Variants in ALPK3 observed in about 807,000 individuals in gnomAD.
ALPK3 encodes the protein alpha-protein kinase 3.
A neutral mutation model predicts 140.0 loss-of-function variants in ALPK3; 102 were observed. That is an observed-to-expected ratio of 0.73 (90% CI 0.62 to 0.86). The LOEUF (loss-of-function observed/expected upper bound fraction) is 0.86, where lower values mean the gene tolerates loss of function less well. ALPK3 is among the 40% of genes least tolerant of loss of function. The probability of loss-of-function intolerance (pLI) is 0.00; values close to 1 mark genes in which losing one functional copy is unlikely to be tolerated. For missense variants in ALPK3, 2,254 were observed against 2,208.2 expected, an observed-to-expected ratio of 1.02 and a Z score of -0.42; for synonymous variants, 938 against 898.5, an observed-to-expected ratio of 1.04 and a Z score of -0.79.
Position 84,856,575 on chromosome 15 carries a change from G to T in ALPK3, c.1837G>T (p.Asp613Tyr). ...TGGAAGCAAGAAGAATGTGCAGGCA[G>T]ATGGGAAGATACAAGTGGATGGAAG... is the stretch of plus-strand genomic sequence containing the variant. ...RTGSKKNVQA[D>Y]GKIQVDGRTR... The change falls in exon 6 of 14, where the codon GAT (aspartate) becomes TAT (tyrosine). Residue 613 changes from aspartate to tyrosine, a missense_variant. Transcript: ENST00000258888. 1.2e-6 allele frequency: 2 copies of T among 1,614,184 alleles called. No individual in the cohort carries two copies. The highest frequency in any genetic ancestry group is 1.7e-6 in the Non-Finnish European group (2 of 1,180,036).
Position 84,857,445 on chromosome 15 carries a change from C to A in ALPK3, c.2707C>A (p.Gln903Lys), listed in dbSNP as rs192527723. 59 of 1,613,834 alleles carry A rather than the reference C, an allele frequency of 3.7e-5. No individual in the cohort carries two copies. Among genetic ancestry groups the A allele is most frequent in the Non-Finnish European group, 2.5e-6 (3 of 1,179,942 alleles). ...AGCCACCTTCCTGCCCTCTGAGGATCAGGTCCTGATGAGTTCTGCCCCAAC... is the reference window on the plus strand; with the variant it reads ...AGCCACCTTCCTGCCCTCTGAGGATAAGGTCCTGATGAGTTCTGCCCCAAC... ...STATFLPSED[Q>K]VLMSSAPTLH... The change falls in exon 6 of 14, where the codon CAG becomes AAG. Residue 903 changes from glutamine (Q) to lysine (K), a missense_variant. Coordinates refer to ENST00000258888, the MANE Select transcript of ALPK3 (RefSeq NM_020778.5).
Position 84,868,285 on chromosome 15 carries a change from C to T in ALPK3, c.4947C>T (p.Gly1649=), listed in dbSNP as rs1964025024. ...AGAGTCCATCTGCTGGCAGGAAAGGCTCCCAGCTGAGTCCTCAGCCCCAGA... is the reference window on the plus strand; with the variant it reads ...AGAGTCCATCTGCTGGCAGGAAAGGTTCCCAGCTGAGTCCTCAGCCCCAGA... ...GSKSPSAGRK[G]SQLSPQPQKK... is the part of the protein sequence containing the mutation. The change falls in exon 14 of 14, where the codon GGC becomes GGT. Residue 1649 remains glycine (G), a synonymous_variant. Coordinates refer to ENST00000258888, the MANE Select transcript of ALPK3 (RefSeq NM_020778.5). The T allele has an allele frequency of 1.9e-6, 3 of 1,614,120 alleles. No homozygotes were observed. The highest frequency in any genetic ancestry group is 2.2e-5 in the East Asian group (1 of 44,886).
rs1963504306 is a variant in ALPK3, at chr15:84,827,661, A to G, written c.304+56A>G. On this transcript the variant is annotated intron_variant, in intron 3 of 13. Coordinates refer to ENST00000258888, the MANE Select transcript of ALPK3 (RefSeq NM_020778.5). ...GGGCCTCTGCACAGAGCAGGGTCCA[A>G]GGAGGCTGTGAGGACAGGAATGGTG... is the stretch of plus-strand genomic sequence containing the variant. 7 of 1,600,264 alleles carry G rather than the reference A, an allele frequency of 4.4e-6. No individual in the cohort carries two copies. In the East Asian group the frequency reaches 1.1e-4, roughly 26 times the overall value.
rs751233026 is a variant in ALPK3 at position 84,840,733 on chromosome 15, C to T, written c.1454C>T (p.Pro485Leu). 10 of 1,613,828 alleles carry T rather than the reference C, an allele frequency of 6.2e-6. No homozygotes were observed. The change falls in exon 5 of 14, where the codon CCT (proline) becomes CTT (leucine). Residue 485 changes from proline to leucine, a missense_variant. Physicochemically the swap from Pro to Leu is moderately conservative, Grantham distance 98 (BLOSUM62 -3). Around this residue, in one of 3 missense-constraint regions of ALPK3, gnomAD observed 2,088 missense variants for 2,022.9 expected, o/e 1.03. Coordinates refer to ENST00000258888, the MANE Select transcript of ALPK3 (RefSeq NM_020778.5). ...TRPFNRKRFA[P>L]PKPKGEATTD... ...CCTTTCAACAGAAAGAGATTTGCCC[C>T]TCCAAAGCCCAAAGGAGAGGCCACC...
At position 84,840,161 on chromosome 15, in the gene ALPK3, A is replaced by G. The variant is rs542316430; in HGVS notation, c.882A>G (p.Thr294=). 1.5e-4 allele frequency: 237 copies of G among 1,613,916 alleles called. 5 individuals are homozygous for G. The South Asian group carries it at 2.5e-3, about 17-fold the overall frequency. ...NGEDGEHGLL[T]YICDAMELGP... The stretch of plus-strand genomic sequence containing the variant: ...AGGACGGAGAGCATGGCTTGCTGAC[A>G]TACATCTGTGACGCCATGGAGCTGG... The change falls in exon 5 of 14, where the codon ACA becomes ACG. Residue 294 remains threonine (T), a synonymous_variant. Coordinates refer to ENST00000258888, the MANE Select transcript of ALPK3 (RefSeq NM_020778.5).
At chr15:84,822,740 G>A (rs1466036541) in intron 1 of ALPK3, among the ~76,000 whole-genome samples, 1 of 152,228 alleles carries the variant, frequency 6.6e-6, no homozygotes, top group Non-Finnish European at 1.5e-5. Context: ...AATGGGCCTT[G>A]TGTGGACCAT....
intron 5 of ALPK3, among the ~76,000 whole-genome samples, chr15:84,853,215 A>C (rs1963825652): frequency 6.6e-6 from 1 of 152,248 alleles, no homozygotes; most frequent in Non-Finnish European, 1.5e-5. Context: ...CAAAAGATAA[A>C]AAAGAGGCTC....
At position 84,872,008 on chromosome 15, in the gene ALPK3, A is replaced by T. The variant is rs1964078273; in HGVS notation, c.*3552A>T. ...CTGCCCCTCTCAGAGCCACAGGTGTAGACAGGTGAAAACACTGGACAGTGA... is the reference window on the plus strand; with the variant it reads ...CTGCCCCTCTCAGAGCCACAGGTGTTGACAGGTGAAAACACTGGACAGTGA... On this transcript the variant is annotated 3_prime_UTR_variant, in exon 14 of 14. Coordinates refer to ENST00000258888, the MANE Select transcript of ALPK3 (RefSeq NM_020778.5). The T allele has an allele frequency of 6.6e-6, 1 of 152,344 alleles. No individual in the cohort carries two copies. Among genetic ancestry groups the T allele is most frequent in the Non-Finnish European group, 1.5e-5 (1 of 68,096 alleles). The allele number at this position is 152,344 out of a possible 1,614,324, so 9.4% of individuals were successfully genotyped here. A position where few individuals can be genotyped will look rare whatever the true frequency, so the allele number is the denominator to read the frequency against.
At position 84,869,621 on chromosome 15, in the gene ALPK3, G is replaced by A. The variant is rs959936729; in HGVS notation, c.*1165G>A. On this transcript the variant is annotated 3_prime_UTR_variant, in exon 14 of 14. Coordinates refer to ENST00000258888, the MANE Select transcript of ALPK3 (RefSeq NM_020778.5). The stretch of plus-strand genomic sequence containing the variant: ...TGGGGCCCCAGCTCTGGGTCCTCAT[G>A]TATGGGCTCCCAAGGACCCAGCAGC... 3.3e-5 allele frequency: 5 copies of A among 152,562 alleles called. No individual in the cohort carries two copies. Among genetic ancestry groups the A allele is most frequent in the African/African-American group, 1.2e-4 (5 of 41,450 alleles). The allele number at this position is 152,562 out of a possible 1,614,324, so 9.5% of individuals were successfully genotyped here. A position where few individuals can be genotyped will look rare whatever the true frequency, so the allele number is the denominator to read the frequency against.
chr15:84,853,579 G>T (rs1362592618), intron 5 of ALPK3, among the ~76,000 whole-genome samples: 1 of 151,976 alleles, frequency 6.6e-6, no homozygotes, highest in East Asian at 1.9e-4. Flanking sequence ...ATGCCAGTGC[G>T]CTCCAGCCTG....
At chr15:84,861,466 T>G (rs564811690) in intron 9 of ALPK3, among the ~76,000 whole-genome samples, 1 of 152,240 alleles carries the variant, frequency 6.6e-6, no homozygotes, top group Admixed American at 6.5e-5. Context: ...CTTTTAGTAA[T>G]GTTAAGGTTG....
chr15:84,825,340 C>G (rs1363768829), intron 2 of ALPK3, among the ~76,000 whole-genome samples: 1 of 152,016 alleles, frequency 6.6e-6, no homozygotes, highest in African/African-American at 2.4e-5. Context: ...CCACGCCTGG[C>G]TAATTTTTGT....
chr15:84,856,513 C>A lies in ALPK3; in HGVS notation c.1775C>A (p.Thr592Asn). 1 of 1,614,112 alleles carries A rather than the reference C, an allele frequency of 6.2e-7. No homozygotes were observed. The highest frequency in any genetic ancestry group is 8.5e-7 in the Non-Finnish European group (1 of 1,180,022). Residue 592 changes from threonine to asparagine, a missense_variant, in exon 6 of 14, where the codon ACC becomes AAC. Coordinates refer to ENST00000258888, the MANE Select transcript of ALPK3 (RefSeq NM_020778.5). ...QGIIEPMDME[T>N]QEDGRTSANQ... is the part of the protein sequence containing the mutation. ...ATCATTGAACCCATGGATATGGAAA[C>A]CCAGGAGGATGGGAGAACATCTGCT... is the stretch of plus-strand genomic sequence containing the variant.
In ALPK3 at chr15:84,857,068, A is replaced by C; in HGVS notation, c.2330A>C (p.Glu777Ala). Residue 777 changes from glutamate to alanine, a missense_variant, in exon 6 of 14, where the codon GAG (glutamate) becomes GCG (alanine). Physicochemically the swap from Glu to Ala is moderately radical, Grantham distance 107. Around this residue, in one of 3 missense-constraint regions of ALPK3, gnomAD observed 2,088 missense variants for 2,022.9 expected, o/e 1.03. Coordinates refer to ENST00000258888, the MANE Select transcript of ALPK3 (RefSeq NM_020778.5). Reference sequence around the variant, plus strand: ...CCTGGTTGCCTGCCCAGATCTGAGGAGGCAGTAGTAACAGCCTCCAGGAAC... The same window carrying C: ...CCTGGTTGCCTGCCCAGATCTGAGGCGGCAGTAGTAACAGCCTCCAGGAAC... ...KKPGCLPRSE[E>A]AVVTASRNHE... is the part of the protein sequence containing the mutation. 6.2e-7 allele frequency: 1 copy of C among 1,614,168 alleles called. No individual in the cohort carries two copies. Among genetic ancestry groups the C allele is most frequent in the Non-Finnish European group, 8.5e-7 (1 of 1,180,030 alleles).
chr15:84,839,960 G>A lies in ALPK3; in HGVS notation c.681G>A (p.Leu227=). Residue 227 remains leucine, a synonymous_variant, in exon 5 of 14, where the codon TTG becomes TTA. Transcript: ENST00000258888. ...SPDRFQRKRR[L]SGAQAPGPSV... ...ACCGCTTCCAGCGAAAGCGGCGATT[G>A]AGCGGGGCTCAAGCGCCGGGCCCCT... The A allele has an allele frequency of 1.9e-6, 3 of 1,613,318 alleles. No homozygotes were observed. The highest frequency in any genetic ancestry group is 2.5e-6 in the Non-Finnish European group (3 of 1,179,598).
chr15:84,863,522 G>T, intron 10 of ALPK3, 30 bp from the exon 11 acceptor site: 1 of 1,599,462 alleles, frequency 6.3e-7, no homozygotes, highest in Non-Finnish European at 8.6e-7. Context: ...GAATTTCTTT[G>T]CTCACCACAT....
intron 1 of ALPK3, among the ~76,000 whole-genome samples, chr15:84,818,145 G>T (rs1476519175): frequency 1.3e-5 from 2 of 152,120 alleles, no homozygotes; most frequent in East Asian, 3.9e-4. Flanking sequence ...GTGGGGGCTG[G>T]TGAGATAGGG....
intron 6 of ALPK3, 122 bp downstream of exon 6, chr15:84,858,677 T>C (rs1963901131): frequency 7.2e-7 from 1 of 1,389,196 alleles, no homozygotes; most frequent in Non-Finnish European, 9.5e-7. Flanking sequence ...ATTCATAAAT[T>C]ACCTTGGTAA....
chr15:84,832,283 T>C (rs1963552388), intron 3 of ALPK3, among the ~76,000 whole-genome samples: 1 of 152,244 alleles, frequency 6.6e-6, no homozygotes, highest in Admixed American at 6.5e-5. Flanking sequence ...TGAGCTGTCT[T>C]GAGTCTGCTA....
Sources: gnomAD v4.1 joint callset for allele counts (sites outside exome capture counted in the v4.1 genomes callset) on GRCh38, gnomAD v4.1.1 for gene constraint, gnomAD v4.1.1 regional missense constraint, MANE v1.5 for transcripts, NCBI Gene and HGNC (gene_info 2026-07-23, HGNC 2026-07-21) for gene names.